Variants in TMEM272 observed in about 807,000 individuals in gnomAD.
TMEM272 encodes long intergenic non-protein coding RNA 282.
In TMEM272, 8 loss-of-function variants were observed where a neutral mutation model predicts 3.7. That is an observed-to-expected ratio of 2.17 (90% CI 1.27 to 3.91). The LOEUF is 3.91. TMEM272 is among the 30% of genes most tolerant of loss of function. TMEM272 has a pLI of 0.00. For synonymous variants in TMEM272, 63 were observed against 39.8 expected, an observed-to-expected ratio of 1.58 and a Z score of -2.20; for missense variants, 166 against 91.5, an observed-to-expected ratio of 1.81 and a Z score of -3.32.
At chr13:51,828,113 C>T (rs1045387960) in intron 2 of TMEM272, among the ~76,000 whole-genome samples, 3 of 152,158 alleles carry the variant, frequency 2.0e-5, no homozygotes, top group Admixed American at 6.5e-5. Flanking sequence ...CATTCATCAC[C>T]CATGGAATCA....
At chr13:51,819,737 G>A (rs1451427436) in intron 4 of TMEM272, among the ~76,000 whole-genome samples, 1 of 152,214 alleles carries the variant, frequency 6.6e-6, no homozygotes, top group Non-Finnish European at 1.5e-5. Flanking sequence ...TGAGGGCAGA[G>A]CCGTCAGCAT....
At chr13:51,917,248 T>C in the TMEM272 span, among the ~76,000 whole-genome samples, 1 of 152,080 alleles carries the variant, frequency 6.6e-6, no homozygotes, top group African/African-American at 2.4e-5. Flanking sequence ...TCTCAACAAA[T>C]GGCAGCAGGT....
At chr13:51,919,970 G>C in the TMEM272 span, among the ~76,000 whole-genome samples, 1 of 152,194 alleles carries the variant, frequency 6.6e-6, no homozygotes, top group Non-Finnish European at 1.5e-5. Context: ...AAGGAAGGAA[G>C]GAAAGGAGGG....
At chr13:51,860,729 A>C in the TMEM272 span, among the ~76,000 whole-genome samples, 1 of 31,522 alleles carries the variant, frequency 3.2e-5, no homozygotes, top group African/African-American at 1.4e-4. Context: ...ACATATATAT[A>C]TGTGTGTGTG....
the TMEM272 span, chr13:51,921,733 C>T: frequency 6.6e-6 from 1 of 152,314 alleles, no homozygotes; most frequent in African/African-American, 2.4e-5. Flanking sequence ...GCTCTACCTT[C>T]AAGCCGTCAG....
At chr13:51,848,152 G>A (rs1431888698), upstream of TMEM272, among the ~76,000 whole-genome samples, 2 of 152,210 alleles carry the variant, frequency 1.3e-5, no homozygotes, top group African/African-American at 4.8e-5. Flanking sequence ...CGATGTCGTG[G>A]TGGAGTAACC....
chr13:51,908,413 C>T, the TMEM272 span: 3 of 1,485,212 alleles, frequency 2.0e-6, no homozygotes, highest in Non-Finnish European at 2.8e-6. Context: ...GGACCTGGGA[C>T]ATCCCTTGGT....
At chr13:51,917,512 C>T in the TMEM272 span, among the ~76,000 whole-genome samples, 56 of 152,302 alleles carry the variant, frequency 3.7e-4, no homozygotes, top group Admixed American at 6.5e-4. Context: ...GGTACCCTTA[C>T]ACACCTGAGC....
At chr13:51,930,001 G>T in the TMEM272 span, among the ~76,000 whole-genome samples, 2 of 152,156 alleles carry the variant, frequency 1.3e-5, no homozygotes, top group Non-Finnish European at 2.9e-5. Context: ...GTCAGGTGTC[G>T]GTCAACAAGG....
At chr13:51,887,894 C>A in the TMEM272 span, among the ~76,000 whole-genome samples, 1 of 152,192 alleles carries the variant, frequency 6.6e-6, no homozygotes, top group Admixed American at 6.5e-5. Context: ...CTTATGCCTA[C>A]CTCCCAATGC....
the TMEM272 span, among the ~76,000 whole-genome samples, chr13:51,852,567 C>T: frequency 6.6e-6 from 1 of 152,282 alleles, no homozygotes; most frequent in East Asian, 1.9e-4. Flanking sequence ...CCAGTTTGAT[C>T]TACTTTTCCA....
At chr13:51,932,188 C>T in the TMEM272 span, among the ~76,000 whole-genome samples, 1 of 152,086 alleles carries the variant, frequency 6.6e-6, no homozygotes, top group African/African-American at 2.4e-5. Flanking sequence ...GGCTCACTTA[C>T]ACCCCCCGGC....
At chr13:51,921,811 A>T in the TMEM272 span, among the ~76,000 whole-genome samples, 4 of 152,120 alleles carry the variant, frequency 2.6e-5, no homozygotes, top group African/African-American at 9.7e-5. Context: ...TCTCCCACTC[A>T]GCTGGGGAGC....
the TMEM272 span, among the ~76,000 whole-genome samples, chr13:51,899,245 A>C: frequency 1.3e-5 from 2 of 152,194 alleles, no homozygotes; most frequent in African/African-American, 4.8e-5. Context: ...GAAATCAAGG[A>C]AACAATTTAC....
intron 1 of TMEM272, among the ~76,000 whole-genome samples, chr13:51,839,297 C>T (rs772370783): frequency 6.6e-6 from 1 of 152,180 alleles, no homozygotes; most frequent in East Asian, 1.9e-4. Context: ...CTCATCAAGA[C>T]GGCAAATTTT....
the TMEM272 span, among the ~76,000 whole-genome samples, chr13:51,899,722 A>C: frequency 6.6e-6 from 1 of 152,232 alleles, no homozygotes; most frequent in South Asian, 2.1e-4. Context: ...GGGGGACTCA[A>C]GTTTCTCTAT....
chr13:51,839,218 T>C (rs1401597292), intron 1 of TMEM272, among the ~76,000 whole-genome samples: 1 of 152,138 alleles, frequency 6.6e-6, no homozygotes, highest in African/African-American at 2.4e-5. Flanking sequence ...TGGTTGACAC[T>C]GTGAGAAAGG....
the TMEM272 span, chr13:51,865,666 G>A: frequency 6.2e-7 from 1 of 1,614,208 alleles, no homozygotes; most frequent in East Asian, 2.2e-5. Context: ...TCTGGGAAGA[G>A]GAGAAAACCT....
the TMEM272 span, among the ~76,000 whole-genome samples, chr13:51,858,682 A>G: frequency 6.6e-6 from 1 of 152,240 alleles, no homozygotes; most frequent in African/African-American, 2.4e-5. Flanking sequence ...ATAACCAGGA[A>G]AAGATTAGGC....
Sources: gnomAD v4.1 joint callset for allele counts (sites outside exome capture counted in the v4.1 genomes callset) on GRCh38, gnomAD v4.1.1 for gene constraint, MANE v1.5 for transcripts, NCBI Gene and HGNC (gene_info 2026-07-23, HGNC 2026-07-21) for gene names.